Variants in CEACAM3 observed in about 807,000 individuals in gnomAD.
CEACAM3 encodes the protein cell adhesion molecule CEACAM3.
CEACAM3 carries 32 observed loss-of-function variants against 30.1 expected under a neutral mutation model. That is an observed-to-expected ratio of 1.06 (90% CI 0.80 to 1.43). The LOEUF is 1.43. CEACAM3 is among the 40% of genes most tolerant of loss of function. The probability of loss-of-function intolerance (pLI) is 0.00; values close to 1 mark genes in which losing one functional copy is unlikely to be tolerated. For missense variants in CEACAM3, 290 were observed against 316.3 expected (o/e 0.92, Z 0.63); for synonymous variants, 134 against 127.2 (o/e 1.05, Z -0.36).
At chr19:41,800,213 G>C (rs1555825841) in intron 2 of CEACAM3, among the ~76,000 whole-genome samples, 1 of 152,186 alleles carries the variant, frequency 6.6e-6, no homozygotes, top group Non-Finnish European at 1.5e-5. Flanking sequence ...ACAGAGATAG[G>C]AGCTGGGGAG....
At chr19:41,810,473 C>G in intron 5 of CEACAM3, 119 bp downstream of exon 5, 1 of 1,198,500 alleles carries the variant, frequency 8.3e-7, no homozygotes, top group Non-Finnish European at 1.2e-6. Context: ...ACACACAGGA[C>G]AAGGCTAGCC....
intron 2 of CEACAM3, chr19:41,807,402 C>T: frequency 1.4e-6 from 1 of 740,230 alleles, no homozygotes; most frequent in Non-Finnish European, 1.8e-6. Context: ...ATCTTCTGTT[C>T]CTCTGTGGCC....
chr19:41,799,646 G>T (rs1410467616), intron 2 of CEACAM3, among the ~76,000 whole-genome samples: 5 of 152,070 alleles, frequency 3.3e-5, no homozygotes, highest in Admixed American at 2.6e-4. Context: ...GAAATCCTGT[G>T]TTTCCTGATG....
In CEACAM3 at chr19:41,796,683, G is replaced by GC; in HGVS notation, c.12dup (p.Ser5LeufsTer35). 1.2e-6 allele frequency: 2 copies of GC among 1,614,102 alleles called. No homozygotes were observed. The highest frequency in any genetic ancestry group is 1.7e-6 in the Non-Finnish European group (2 of 1,179,980). ...AAGAGCAGGCAGCAGAGACCATGGGGCCCCCCTCAGCCTCTCCCCACAGAG... is the reference window on the plus strand; with the variant it reads ...AAGAGCAGGCAGCAGAGACCATGGGGCCCCCCCTCAGCCTCTCCCCACAGAG... On this transcript the variant is annotated frameshift_variant, in exon 1 of 7. Transcript: ENST00000357396. LOFTEE classifies it high-confidence loss of function.
intron 2 of CEACAM3, among the ~76,000 whole-genome samples, chr19:41,800,540 T>A (rs940242601): frequency 6.6e-6 from 1 of 152,194 alleles, no homozygotes; most frequent in Admixed American, 6.5e-5. Context: ...GATGCTGTGC[T>A]TCAGTGGTCA....
intron 2 of CEACAM3, among the ~76,000 whole-genome samples, chr19:41,801,499 G>C (rs577178753): frequency 1.3e-5 from 2 of 152,202 alleles, no homozygotes; most frequent in Non-Finnish European, 2.9e-5. Flanking sequence ...CTGAGACCAC[G>C]ATATTGCAGT....
chr19:41,805,538 C>T (rs1227842411), intron 2 of CEACAM3, among the ~76,000 whole-genome samples: 3 of 152,150 alleles, frequency 2.0e-5, no homozygotes, highest in African/African-American at 4.8e-5. Context: ...ATCCGCCCGC[C>T]TCAGCATCCC....
intron 2 of CEACAM3, among the ~76,000 whole-genome samples, chr19:41,800,780 C>T (rs1244176555): frequency 1.3e-5 from 2 of 152,162 alleles, no homozygotes; most frequent in East Asian, 3.9e-4. Flanking sequence ...AGATGACTCA[C>T]ACTCTTTACC....
At chr19:41,800,071 T>C (rs188081641) in intron 2 of CEACAM3, among the ~76,000 whole-genome samples, 117 of 152,258 alleles carry the variant, frequency 7.7e-4, no homozygotes, top group African/African-American at 2.5e-3. Flanking sequence ...ACAAGAAAAG[T>C]TATACCAGAT....
At chr19:41,810,409 T>C in intron 5 of CEACAM3, 55 bp downstream of exon 5, 1 of 1,544,716 alleles carries the variant, frequency 6.5e-7, no homozygotes. Flanking sequence ...GTGCAGGCTC[T>C]GGGCAGAGGG....
rs782632266 is a variant in CEACAM3, at chr19:41,797,890, A to G, written c.366A>G (p.Leu122=). The G allele has an allele frequency of 3.7e-6, 6 of 1,613,656 alleles. No homozygotes were observed. The highest frequency in any genetic ancestry group is 1.1e-5 in the South Asian group (1 of 91,060). ...AGAATGACATAGGATTCTACACCCT[A>G]CAAGTCATAAAGTCAGATCTTGTGA... ...VTQNDIGFYT[L]QVIKSDLVNE... The change falls in exon 2 of 7, where the codon CTA becomes CTG. Residue 122 remains leucine, a synonymous_variant. Transcript: ENST00000357396.
intron 2 of CEACAM3, chr19:41,807,230 G>A (rs782724816): frequency 4.3e-6 from 7 of 1,609,512 alleles, no homozygotes; most frequent in Non-Finnish European, 5.9e-6. Context: ...GTGGGTAAAT[G>A]GTCAGAGCCT....
chr19:41,811,228 G>A lies in CEACAM3; in HGVS notation c.750G>A (p.Val250=), dbSNP rs965928659. The part of the protein sequence containing the change: ...IYCRMDHKAE[V]AS ...GCCGGATGGACCACAAAGCAGAAGTGGCTTCTTAGCTTCCTCCAGGAGCTG... is the reference window on the plus strand; with the variant it reads ...GCCGGATGGACCACAAAGCAGAAGTAGCTTCTTAGCTTCCTCCAGGAGCTG... Residue 250 remains valine (V), a synonymous_variant, in exon 7 of 7, where the codon GTG becomes GTA. Coordinates refer to ENST00000357396, the MANE Select transcript of CEACAM3 (RefSeq NM_001815.5). 5 of 1,613,736 alleles carry A rather than the reference G, an allele frequency of 3.1e-6. No individual in the cohort carries two copies. The African/African-American group carries it at 6.7e-5, about 22-fold the overall frequency.
chr19:41,810,309 G>C lies in CEACAM3; in HGVS notation c.596-14G>C, dbSNP rs1418676936. ...TCCTCCCACCCTGCTGCTCACTCCT[G>C]TCTCTGTTTCCAGGCCGTGGTCCCT... On this transcript the variant is annotated splice_polypyrimidine_tract_variant and intron_variant, in intron 4 of 6. Transcript: ENST00000357396. The C allele has an allele frequency of 1.9e-6, 3 of 1,603,134 alleles. No homozygotes were observed. The highest frequency in any genetic ancestry group is 2.6e-6 in the Non-Finnish European group (3 of 1,175,466).
In CEACAM3 at chr19:41,810,872, C is replaced by T. The variant is rs782729758; in HGVS notation, c.668C>T (p.Pro223Leu). The change falls in exon 6 of 7, where the codon CCC (proline) becomes CTC (leucine). Residue 223 changes from proline (P) to leucine (L), a missense_variant. Pro to Leu is a moderately conservative substitution (Grantham distance 98, BLOSUM62 -3). Coordinates refer to ENST00000357396, the MANE Select transcript of CEACAM3 (RefSeq NM_001815.5). ...ACTGCCCAGGCCCCCCTACCCAACC[C>T]CAGGACAGCAGCTTCCATCTATGAG... Reference protein sequence around the residue: ...LSTAQAPLPNPRTAASIYEEL... With the variant: ...LSTAQAPLPNLRTAASIYEEL... 2.5e-6 allele frequency: 4 copies of T among 1,613,704 alleles called. No homozygotes were observed. The South Asian group carries it at 3.3e-5, about 13-fold the overall frequency.
At position 41,798,009 on chromosome 19, in the gene CEACAM3, T is replaced by C. The variant is rs2073117697; in HGVS notation, c.424+61T>C. Reference sequence around the variant, plus strand: ...TCAGTTCTACTTCCCACATATGGGATTGTCAGGCCTGGGCTGTGCCTGTGG... The same window carrying C: ...TCAGTTCTACTTCCCACATATGGGACTGTCAGGCCTGGGCTGTGCCTGTGG... On this transcript the variant is annotated intron_variant, in intron 2 of 6. Coordinates refer to ENST00000357396, the MANE Select transcript of CEACAM3 (RefSeq NM_001815.5). 3.9e-6 allele frequency: 6 copies of C among 1,556,578 alleles called. No individual in the cohort carries two copies. In the South Asian group the frequency reaches 6.2e-5, roughly 16 times the overall value.
intron 2 of CEACAM3, chr19:41,807,707 T>C: frequency 1.1e-6 from 1 of 901,880 alleles, no homozygotes; most frequent in Non-Finnish European, 1.5e-6. Context: ...ACTGTGGCTC[T>C]TCCACAGACC....
intron 2 of CEACAM3, among the ~76,000 whole-genome samples, chr19:41,803,109 C>A (rs62117373): frequency 0.04 from 6,141 of 152,190 alleles, 190 homozygotes; most frequent in Middle Eastern, 0.11. Context: ...ACAATCAGAA[C>A]CAGACTCAGA....
intron 4 of CEACAM3, 43 bp from the exon 5 acceptor site, chr19:41,810,280 G>T (rs782558453): frequency 8.8e-6 from 14 of 1,588,844 alleles, no homozygotes; most frequent in Non-Finnish European, 1.2e-5. Context: ...AGGGGATAAG[G>T]CTCTCCTCCC....
Sources: gnomAD v4.1 joint callset for allele counts (sites outside exome capture counted in the v4.1 genomes callset) on GRCh38, gnomAD v4.1.1 for gene constraint, MANE v1.5 for transcripts, NCBI Gene and HGNC (gene_info 2026-07-23, HGNC 2026-07-21) for gene names.